The following PDSS1 variants were observed in gnomAD, a reference collection of about 807,000 sequenced individuals.
The protein encoded by PDSS1 is decaprenyl diphosphate synthase subunit 1.
In PDSS1, 43 loss-of-function variants were observed where a neutral mutation model predicts 57.5. That is an observed-to-expected ratio of 0.75 (90% CI 0.59 to 0.96). The LOEUF is 0.96. Ranked by LOEUF, PDSS1 falls within the 50% of genes least tolerant of loss-of-function variation. The pLI is 0.00. For missense variants in PDSS1, 438 were observed against 527.8 expected, an observed-to-expected ratio of 0.83 and a Z score of 1.67; for synonymous variants, 175 against 191.3, an observed-to-expected ratio of 0.91 and a Z score of 0.70.
chr10:26,707,084 A>T (rs3118155), intron 4 of PDSS1, among the ~76,000 whole-genome samples: 79,050 of 151,660 alleles, frequency 0.52, 21,635 homozygotes, highest in Middle Eastern at 0.63. Context: ...GTCTCCCCGG[A>T]TTCTTCCCTT....
At chr10:26,727,323 TC>T (rs1835988254) in intron 8 of PDSS1, among the ~76,000 whole-genome samples, 1 of 142,014 alleles carries the variant, frequency 7.0e-6, no homozygotes, top group South Asian at 2.2e-4. Context: ...CTGCCTTGTT[TC>T]TCTCTCTCTC....
At chr10:26,698,870 T>A (rs1335766659) in intron 1 of PDSS1, among the ~76,000 whole-genome samples, 1 of 152,208 alleles carries the variant, frequency 6.6e-6, no homozygotes, top group Non-Finnish European at 1.5e-5. Flanking sequence ...ACACCTGTAA[T>A]CCCAGCACTT....
intron 10 of PDSS1, among the ~76,000 whole-genome samples, chr10:26,740,196 C>A (rs148102176): frequency 0.042 from 6,328 of 150,966 alleles, 179 homozygotes; most frequent in Middle Eastern, 0.079. Context: ...GTAGTCCCAG[C>A]TACTCGGGAG....
intron 1 of PDSS1, among the ~76,000 whole-genome samples, chr10:26,699,556 A>G (rs922969030): frequency 6.6e-6 from 1 of 151,750 alleles, no homozygotes; most frequent in East Asian, 1.9e-4. Flanking sequence ...CACGACCCCC[A>G]GCTAATTTTT....
intron 5 of PDSS1, chr10:26,715,706 C>T (rs1045527512): frequency 6.6e-6 from 1 of 152,166 alleles, no homozygotes; most frequent in African/African-American, 2.4e-5. Context: ...CACTCCTACA[C>T]TTTCCTTACC....
In PDSS1 at chr10:26,709,538, G is replaced by A. The variant is rs991198912; in HGVS notation, c.337-100G>A. ...ATCGTTCCATTGCACTCCAGTCTGG[G>A]CAACAAGAGCGAAACTCCGTCTCAA... On this transcript the variant is annotated intron_variant, in intron 4 of 11. Transcript: ENST00000376215. 4.8e-5 allele frequency: 58 copies of A among 1,206,424 alleles called. 1 individual carries two copies. The South Asian group carries it at 6.4e-4, about 13-fold the overall frequency. 74.7% of individuals were successfully genotyped at this position (1,206,424 alleles called of 1,614,324 possible). A position where few individuals can be genotyped will look rare whatever the true frequency, so the allele number is the denominator to read the frequency against.
chr10:26,717,097 G>A (rs983839590), intron 5 of PDSS1, among the ~76,000 whole-genome samples: 2 of 152,082 alleles, frequency 1.3e-5, no homozygotes, highest in Admixed American at 1.3e-4. Context: ...AAATACATCA[G>A]GTAAAACTAT....
chr10:26,739,006 T>G (rs936027401), intron 10 of PDSS1, among the ~76,000 whole-genome samples: 8 of 152,222 alleles, frequency 5.3e-5, no homozygotes, highest in African/African-American at 1.7e-4. Context: ...GGTGAAACTT[T>G]TTTAATTTTC....
In PDSS1 at chr10:26,742,624, C is replaced by T. The variant is rs370824246; in HGVS notation, c.1107+47C>T. On this transcript the variant is annotated intron_variant, in intron 11 of 11. Transcript: ENST00000376215. Reference sequence around the variant, plus strand: ...AAAGGCAGCAGCAGGAACAACGTGGCAAAATCCTTTAATCCAAAAATGTAA... The same window carrying T: ...AAAGGCAGCAGCAGGAACAACGTGGTAAAATCCTTTAATCCAAAAATGTAA... 5.7e-4 allele frequency: 654 copies of T among 1,141,448 alleles called. 5 individuals are homozygous for T. Among genetic ancestry groups the T allele is most frequent in the South Asian group, 5.5e-3 (444 of 81,118 alleles). 70.7% of individuals were successfully genotyped at this position (1,141,448 alleles called of 1,614,324 possible).
chr10:26,740,934 A>G (rs1836577342), intron 10 of PDSS1: 1 of 237,222 alleles, frequency 4.2e-6, no homozygotes, highest in Non-Finnish European at 8.8e-6. Context: ...TAGAATATCG[A>G]TTTTACCTTC....
At chr10:26,731,878 G>A (rs554494408) in intron 8 of PDSS1, among the ~76,000 whole-genome samples, 4 of 152,200 alleles carry the variant, frequency 2.6e-5, no homozygotes, top group South Asian at 2.1e-4. Context: ...TGCAACCTCC[G>A]CCTCCCAGGT....
At chr10:26,726,005 A>T (rs1387518921) in intron 8 of PDSS1, among the ~76,000 whole-genome samples, 1 of 152,240 alleles carries the variant, frequency 6.6e-6, no homozygotes. Flanking sequence ...TGTCTGCACC[A>T]TGCAGACATC....
rs199585120 is a variant in PDSS1 at position 26,720,373 on chromosome 10, G to T, written c.609+14G>T. 13 of 1,581,288 alleles carry T rather than the reference G, an allele frequency of 8.2e-6. 1 individual carries two copies. Among genetic ancestry groups the T allele is most frequent in the Middle Eastern group, 1.7e-4 (1 of 6,048 alleles). On this transcript the variant is annotated intron_variant, in intron 6 of 11. Transcript: ENST00000376215. ...GGTGAAAAGAAGGTATGGTTTTTTGGTTTTTTTAAAATCTCTCTTACTGAA... is the reference window on the plus strand; with the variant it reads ...GGTGAAAAGAAGGTATGGTTTTTTGTTTTTTTTAAAATCTCTCTTACTGAA...
chr10:26,720,045 C>T, intron 5 of PDSS1, 173 bp from the exon 6 acceptor site: 1 of 851,918 alleles, frequency 1.2e-6, no homozygotes, highest in African/African-American at 1.7e-5. Flanking sequence ...CAGGGTTTCT[C>T]ATACATTTGT....
At chr10:26,701,890 G>A (rs1835061911) in intron 1 of PDSS1, 1 of 454,250 alleles carries the variant, frequency 2.2e-6, no homozygotes, top group Non-Finnish European at 4.4e-6. Flanking sequence ...GAGAATAGCA[G>A]TGGGGGTTGA....
At chr10:26,703,866 G>A (rs1835120920) in intron 2 of PDSS1, among the ~76,000 whole-genome samples, 3 of 147,108 alleles carry the variant, frequency 2.0e-5, no homozygotes, top group Non-Finnish European at 1.5e-5. Context: ...CGGATCATGA[G>A]GTCAGGAGAT....
intron 10 of PDSS1, among the ~76,000 whole-genome samples, chr10:26,739,404 G>T (rs1017706735): frequency 6.6e-6 from 1 of 152,184 alleles, no homozygotes; most frequent in African/African-American, 2.4e-5. Context: ...ACATTAAGGG[G>T]ACTGGGGAGT....
intron 8 of PDSS1, among the ~76,000 whole-genome samples, chr10:26,731,365 T>A (rs1404041687): frequency 6.6e-6 from 1 of 152,162 alleles, no homozygotes; most frequent in Non-Finnish European, 1.5e-5. Flanking sequence ...ATAAATAATT[T>A]AAAAATTTTT....
intron 6 of PDSS1, 110 bp downstream of exon 6, chr10:26,720,469 G>A (rs1221173914): frequency 2.5e-6 from 2 of 793,454 alleles, no homozygotes; most frequent in Non-Finnish European, 4.5e-6. Context: ...CAAATGTAAT[G>A]TGGTCTTCTG....
Sources: gnomAD v4.1 joint callset for allele counts (sites outside exome capture counted in the v4.1 genomes callset) on GRCh38, gnomAD v4.1.1 for gene constraint, MANE v1.5 for transcripts, NCBI Gene and HGNC (gene_info 2026-07-23, HGNC 2026-07-21) for gene names.